The following SRPK2 variants were observed in gnomAD, a reference collection of about 807,000 sequenced individuals.
SRPK2 encodes the protein SFRS protein kinase 2.
In SRPK2, 21 loss-of-function variants were observed where a neutral mutation model predicts 90.8. That is an observed-to-expected ratio of 0.23 (90% confidence interval 0.16 to 0.33). The LOEUF is 0.33. SRPK2 is among the 10% of genes least tolerant of loss of function. The probability of loss-of-function intolerance (pLI) is 1.00; values close to 1 mark genes in which losing one functional copy is unlikely to be tolerated. For synonymous variants in SRPK2, 288 were observed against 311.1 expected (o/e 0.93, Z 0.78); for missense variants, 620 against 869.0 (o/e 0.71, Z 3.60).
rs1804034751 is a variant in SRPK2 at position 105,143,098 on chromosome 7, G to A, written c.1046C>T (p.Thr349Ile). 15 of 1,614,026 alleles carry A rather than the reference G, an allele frequency of 9.3e-6. No homozygotes were observed. Among genetic ancestry groups the A allele is most frequent in the Non-Finnish European group, 1.3e-5 (15 of 1,179,996 alleles). The stretch of plus-strand genomic sequence containing the variant: ...GCCCCACTGACCATTGTCCTTTGCA[G>A]TCTCTGCCTCAGCCGCCTCCTCTAA... ...TGLEEAAEAE[T>I]AKDNGEAEDQ... is the part of the protein sequence containing the mutation. The change falls in exon 10 of 16, where the codon ACT becomes ATT. Residue 349 changes from threonine (T) to isoleucine (I), a missense_variant. By Grantham distance (89) the Thr-to-Ile change is moderately conservative. Transcript: ENST00000393651.
intron 2 of SRPK2, 32 bp downstream of exon 2, chr7:105,388,616 G>GGGGAAC (rs1180802243): frequency 8.4e-6 from 13 of 1,554,570 alleles, no homozygotes; most frequent in Non-Finnish European, 1.0e-5. Context: ...GGGCGGGGGT[G>GGGGAAC]GGGAACGGGG....
At chr7:105,247,523 CACACATAA>C (rs917942929) in intron 2 of SRPK2, among the ~76,000 whole-genome samples, 5 of 102,202 alleles carry the variant, frequency 4.9e-5, no homozygotes, top group African/African-American at 1.8e-4. Context: ...AAAACACACA[CACACATAA>C]ACACACACAC....
chr7:105,233,128 GA>G (rs1318197353), intron 2 of SRPK2, among the ~76,000 whole-genome samples: 1 of 149,576 alleles, frequency 6.7e-6, no homozygotes, highest in Non-Finnish European at 1.5e-5. Flanking sequence ...AGGAAGGAAG[GA>G]AGGAAGGAAG....
chr7:105,340,092 C>T (rs986678711), intron 2 of SRPK2, among the ~76,000 whole-genome samples: 2 of 151,384 alleles, frequency 1.3e-5, no homozygotes, highest in African/African-American at 2.4e-5. Flanking sequence ...GGCCAGGATC[C>T]GTAACTATAA....
chr7:105,269,796 G>C (rs181606456), intron 2 of SRPK2, among the ~76,000 whole-genome samples: 2 of 152,224 alleles, frequency 1.3e-5, no homozygotes, highest in East Asian at 3.9e-4. Flanking sequence ...AACTGACATG[G>C]TCCTATTACC....
At chr7:105,161,566 A>C (rs1807665965) in intron 6 of SRPK2, among the ~76,000 whole-genome samples, 1 of 152,024 alleles carries the variant, frequency 6.6e-6, no homozygotes, top group South Asian at 2.1e-4. Flanking sequence ...TCAAGCCTAC[A>C]CTGAGCTGCA....
At chr7:105,143,378 C>T (rs1229663375) in intron 9 of SRPK2, 48 bp from the exon 10 acceptor site, 1 of 1,583,308 alleles carries the variant, frequency 6.3e-7, no homozygotes, top group African/African-American at 1.4e-5. Flanking sequence ...TTTAAAGCAC[C>T]ACGATAGTAT....
chr7:105,194,922 G>C (rs747666852), intron 3 of SRPK2, among the ~76,000 whole-genome samples: 7 of 152,064 alleles, frequency 4.6e-5, no homozygotes, highest in Non-Finnish European at 8.8e-5. Flanking sequence ...TGAATAGGTG[G>C]GGGAACAAGT....
intron 2 of SRPK2, among the ~76,000 whole-genome samples, chr7:105,346,856 T>A (rs1403145591): frequency 3.6e-5 from 3 of 83,128 alleles, no homozygotes; most frequent in African/African-American, 9.8e-5. Flanking sequence ...TTCTCATTTG[T>A]TAAAAAAAAA....
At chr7:105,319,039 T>C (rs1431884366) in intron 2 of SRPK2, among the ~76,000 whole-genome samples, 1 of 152,162 alleles carries the variant, frequency 6.6e-6, no homozygotes, top group Non-Finnish European at 1.5e-5. Context: ...ACATCTCAGC[T>C]AAAATAAAAA....
chr7:105,326,526 T>C (rs952662677), intron 2 of SRPK2, among the ~76,000 whole-genome samples: 3 of 152,206 alleles, frequency 2.0e-5, no homozygotes, highest in South Asian at 2.1e-4. Context: ...GGCAAGATCA[T>C]GACTGGCCTT....
intron 11 of SRPK2, among the ~76,000 whole-genome samples, chr7:105,140,916 G>A (rs1003228641): frequency 3.9e-5 from 6 of 151,940 alleles, no homozygotes; most frequent in African/African-American, 1.5e-4. Context: ...AGCCGAGATC[G>A]CGCCACTGCA....
chr7:105,223,549 T>C (rs949684393), intron 2 of SRPK2, among the ~76,000 whole-genome samples: 9 of 152,354 alleles, frequency 5.9e-5, no homozygotes, highest in African/African-American at 1.4e-4. Flanking sequence ...TCAAACCTTA[T>C]TGACTCCCTG....
intron 7 of SRPK2, among the ~76,000 whole-genome samples, chr7:105,159,556 T>G (rs1376266994): frequency 6.7e-6 from 1 of 149,450 alleles, no homozygotes. Flanking sequence ...ATATCAAAGA[T>G]GCTTTTACTA....
intron 7 of SRPK2, among the ~76,000 whole-genome samples, chr7:105,153,812 C>A (rs911712884): frequency 6.6e-6 from 1 of 152,148 alleles, no homozygotes; most frequent in Non-Finnish European, 1.5e-5. Flanking sequence ...AGGAAGGAGG[C>A]GACCCCAAGC....
Position 105,156,219 on chromosome 7 carries a change from A to G in SRPK2, c.621+4288T>C, listed in dbSNP as rs141261202. On this transcript the variant is annotated intron_variant, in intron 7 of 15. Transcript: ENST00000393651. ...TGGTAAACCCATGAGCTCTGAAGCCAGACTATCTGGGTTTGAATTCCTGCT... is the reference window on the plus strand; with the variant it reads ...TGGTAAACCCATGAGCTCTGAAGCCGGACTATCTGGGTTTGAATTCCTGCT... Among the ~76,000 whole-genome samples, 300 of 152,338 alleles carry G rather than the reference A, an allele frequency of 2.0e-3. 1 individual carries two copies. Among genetic ancestry groups the G allele is most frequent in the African/African-American group, 7.0e-3 (289 of 41,576 alleles).
intron 2 of SRPK2, among the ~76,000 whole-genome samples, chr7:105,377,943 A>G (rs1014165580): frequency 2.0e-5 from 3 of 152,080 alleles, no homozygotes; most frequent in South Asian, 2.1e-4. Context: ...TAGCCTCCCA[A>G]TGGAGCCCCT....
chr7:105,125,942 C>A, intron 15 of SRPK2: 1 of 823,680 alleles, frequency 1.2e-6, no homozygotes, highest in Non-Finnish European at 1.8e-6. Flanking sequence ...TGCATGCAGA[C>A]ACTACCACCG....
rs539644259 is a variant in SRPK2 at position 105,311,817 on chromosome 7, C to A, written c.71+76831G>T. Reference sequence around the variant, plus strand: ...AAAAAGTGTGGTGGTTCCTCAAAAACTAAAGCACAAAAATTAATCTATGAC... The same window carrying A: ...AAAAAGTGTGGTGGTTCCTCAAAAAATAAAGCACAAAAATTAATCTATGAC... On this transcript the variant is annotated intron_variant, in intron 2 of 15. Coordinates refer to ENST00000393651, the MANE Select transcript of SRPK2 (RefSeq NM_182692.3). Among the ~76,000 whole-genome samples, 3 of 152,230 alleles carry A rather than the reference C, an allele frequency of 2.0e-5. No homozygotes were observed. The South Asian group carries it at 6.2e-4, about 32-fold the overall frequency.
Sources: allele counts gnomAD v4.1 joint callset (sites outside exome capture counted in the v4.1 genomes callset), GRCh38; gene constraint gnomAD v4.1.1; transcripts MANE v1.5; gene names NCBI Gene and HGNC (gene_info 2026-07-23, HGNC 2026-07-21).